The following CPXM2 variants were observed in gnomAD, a reference collection of about 807,000 sequenced individuals.
CPXM2 encodes the protein inactive carboxypeptidase-like protein X2.
A neutral mutation model predicts 86.1 loss-of-function variants in CPXM2; 66 were observed. That is an observed-to-expected ratio of 0.77 (90% CI 0.63 to 0.94). CPXM2 has a LOEUF of 0.94. Among genes scored for constraint, CPXM2 ranks in the 40% least tolerant of loss-of-function variants. CPXM2 has a pLI of 0.00. For synonymous variants in CPXM2, 388 were observed against 400.2 expected, an observed-to-expected ratio of 0.97 and a Z score of 0.36; for missense variants, 948 against 1,026.3, an observed-to-expected ratio of 0.92 and a Z score of 1.04.
At chr10:123,931,260 G>T (rs1056279095) in intron 2 of CPXM2, among the ~76,000 whole-genome samples, 1 of 152,148 alleles carries the variant, frequency 6.6e-6, no homozygotes, top group African/African-American at 2.4e-5. Context: ...AAAAACCCTG[G>T]ACACTGAGGC....
In CPXM2 at chr10:123,880,615, G is replaced by A. The variant is rs201923206; in HGVS notation, c.305-306C>T. On this transcript the variant is annotated intron_variant, in intron 1 of 13. Coordinates refer to ENST00000241305, the MANE Select transcript of CPXM2 (RefSeq NM_198148.3). The stretch of plus-strand genomic sequence containing the variant: ...GAGGCTAAGGCGGGTGGATCACAAG[G>A]TCAGGAGATCAAGACCATCCTGGCT... Among the ~76,000 whole-genome samples, 12 of 152,070 alleles carry A rather than the reference G, an allele frequency of 7.9e-5. No individual in the cohort carries two copies. The South Asian group carries it at 8.3e-4, about 11-fold the overall frequency.
At chr10:123,906,493 T>C (rs1945442438) in intron 2 of CPXM2, among the ~76,000 whole-genome samples, 3 of 152,134 alleles carry the variant, frequency 2.0e-5, no homozygotes, top group Admixed American at 2.0e-4. Flanking sequence ...TTGCTATAAA[T>C]CATGTCAGCT....
chr10:123,913,909 G>C, intron 2 of CPXM2: 5 of 437,664 alleles, frequency 1.1e-5, no homozygotes, highest in South Asian at 6.5e-5. Context: ...GCTGGAAGCT[G>C]CCCACAGCCT....
chr10:123,805,988 A>G (rs55884349), intron 4 of CPXM2, among the ~76,000 whole-genome samples: 8,123 of 152,220 alleles, frequency 0.053, 284 homozygotes, highest in South Asian at 0.1. Context: ...CCAATTCCAT[A>G]TGTATTTTAA....
intron 7 of CPXM2, among the ~76,000 whole-genome samples, chr10:123,779,271 C>A (rs2134026026): frequency 6.6e-6 from 1 of 152,342 alleles, no homozygotes; most frequent in Middle Eastern, 3.4e-3. Context: ...GGGCACAGAA[C>A]AGGATTTCAT....
intron 3 of CPXM2, among the ~76,000 whole-genome samples, chr10:123,850,903 T>A (rs1848585906): frequency 6.6e-6 from 1 of 152,212 alleles, no homozygotes; most frequent in Non-Finnish European, 1.5e-5. Context: ...ATCCCCCAGA[T>A]AAAGACAGAC....
chr10:123,903,320 G>T (rs769099254), intron 2 of CPXM2, among the ~76,000 whole-genome samples: 10 of 152,234 alleles, frequency 6.6e-5, no homozygotes, highest in African/African-American at 2.4e-4. Context: ...ATGCTGGTTG[G>T]AGTTGGATGG....
intron 1 of CPXM2, among the ~76,000 whole-genome samples, chr10:123,939,877 C>T (rs1564827444): frequency 6.6e-6 from 1 of 152,180 alleles, no homozygotes; most frequent in African/African-American, 2.4e-5. Flanking sequence ...ATGGCTGGCT[C>T]TCCAGGAGAA....
intron 13 of CPXM2, chr10:123,749,978 G>GTATTTTTTT (rs752132768): frequency 8.2e-6 from 1 of 121,864 alleles, no homozygotes; most frequent in African/African-American, 3.6e-5. Flanking sequence ...GCTAATTTTT[G>GTATTTTTTT]TTTTTTTTTT....
At chr10:123,888,736 A>G (rs1236793762) in intron 1 of CPXM2, among the ~76,000 whole-genome samples, 1 of 152,246 alleles carries the variant, frequency 6.6e-6, no homozygotes, top group East Asian at 1.9e-4. Context: ...AGTTAAAAAT[A>G]TGAGATAAAT....
intron 7 of CPXM2, among the ~76,000 whole-genome samples, chr10:123,775,304 C>A (rs184491061): frequency 6.6e-6 from 1 of 152,236 alleles, no homozygotes; most frequent in Non-Finnish European, 1.5e-5. Context: ...CCAACAGCAT[C>A]GACCTTAGCA....
intron 6 of CPXM2, among the ~76,000 whole-genome samples, chr10:123,791,143 G>A (rs1393504481): frequency 1.3e-5 from 2 of 152,166 alleles, no homozygotes; most frequent in African/African-American, 4.8e-5. Context: ...AAATGGCACG[G>A]TGGCTCACAC....
rs539257636 is a variant in CPXM2, at chr10:123,751,473, G to A, written c.2017+3190C>T. On this transcript the variant is annotated intron_variant, in intron 13 of 13. Coordinates refer to ENST00000241305, the MANE Select transcript of CPXM2 (RefSeq NM_198148.3). ...TGCGTCTTTCCTTATAATTTCTCCC[G>A]CCACCCTGACACATCTCCTATACGT... 155 of 979,932 alleles carry A rather than the reference G, an allele frequency of 1.6e-4. No homozygotes were observed. In the African/African-American group the frequency reaches 1.8e-3, roughly 11 times the overall value. The allele number at this position is 979,932 out of a possible 1,614,324, so 60.7% of individuals were successfully genotyped here.
At chr10:123,767,540 C>T (rs929882057) in intron 9 of CPXM2, among the ~76,000 whole-genome samples, 6 of 152,160 alleles carry the variant, frequency 3.9e-5, no homozygotes, top group Non-Finnish European at 7.4e-5. Context: ...GATTCTGGCT[C>T]ACTATTTAGC....
chr10:123,835,040 G>C (rs1412790652), intron 4 of CPXM2, among the ~76,000 whole-genome samples: 1 of 152,196 alleles, frequency 6.6e-6, no homozygotes, highest in African/African-American at 2.4e-5. Flanking sequence ...GCTGAATCAT[G>C]CACCAAATAA....
At chr10:123,801,003 T>C (rs929350010) in intron 4 of CPXM2, among the ~76,000 whole-genome samples, 6 of 152,184 alleles carry the variant, frequency 3.9e-5, no homozygotes, top group Admixed American at 2.6e-4. Context: ...CCAGAGGCCC[T>C]GCCCCAAGAA....
intron 2 of CPXM2, among the ~76,000 whole-genome samples, chr10:123,910,154 C>G (rs77065818): frequency 0.02 from 3,046 of 152,254 alleles, 109 homozygotes; most frequent in African/African-American, 0.071. Context: ...CGAGCTGGCC[C>G]ACCTGCACAT....
intron 3 of CPXM2, among the ~76,000 whole-genome samples, chr10:123,855,634 CACAGGATAAAACTCAGTTGGTTCA>C (rs573822146): frequency 6.6e-6 from 1 of 152,302 alleles, no homozygotes; most frequent in Non-Finnish European, 1.5e-5. Flanking sequence ...TGAGCTGTGA[CACAGGATAAAACTCAGTTGGTTCA>C]ATGTTCTAAA....
chr10:123,764,077 T>C (rs1472655812), intron 10 of CPXM2, among the ~76,000 whole-genome samples: 2 of 152,230 alleles, frequency 1.3e-5, no homozygotes, highest in Non-Finnish European at 2.9e-5. Flanking sequence ...GTCATGTTTA[T>C]TAACTCTGTT....
Sources: gnomAD v4.1 joint callset for allele counts (sites outside exome capture counted in the v4.1 genomes callset) on GRCh38, gnomAD v4.1.1 for gene constraint, MANE v1.5 for transcripts, NCBI Gene and HGNC (gene_info 2026-07-23, HGNC 2026-07-21) for gene names.